The following TENM4 variants were observed in gnomAD, a reference collection of about 807,000 sequenced individuals.
TENM4 encodes the protein teneurin-4.
A neutral mutation model predicts 243.3 loss-of-function variants in TENM4; 82 were observed. The observed-to-expected ratio is 0.34, with a 90% CI of 0.28 to 0.40. The LOEUF (loss-of-function observed/expected upper bound fraction) is 0.40. TENM4 is among the 10% of genes least tolerant of loss of function. The pLI is 1.00. For synonymous variants in TENM4, 1,412 were observed against 1,456.3 expected, an observed-to-expected ratio of 0.97 and a Z score of 0.69; for missense variants, 3,138 against 3,673.3, an observed-to-expected ratio of 0.85 and a Z score of 3.77.
chr11:79,401,324 G>T (rs189629391), intron 1 of TENM4, among the ~76,000 whole-genome samples: 1 of 152,160 alleles, frequency 6.6e-6, no homozygotes, highest in Non-Finnish European at 1.5e-5. Flanking sequence ...TGGAAGAGCC[G>T]ATTTACAGAA....
intron 4 of TENM4, among the ~76,000 whole-genome samples, chr11:79,127,252 C>A (rs1451123383): frequency 2.0e-5 from 3 of 152,362 alleles, no homozygotes; most frequent in African/African-American, 7.2e-5. Flanking sequence ...ATATCCATCC[C>A]TGCAGGGATT....
At chr11:78,892,444 G>C (rs965165471) in intron 7 of TENM4, among the ~76,000 whole-genome samples, 3 of 152,182 alleles carry the variant, frequency 2.0e-5, no homozygotes, top group African/African-American at 7.2e-5. Flanking sequence ...CTTAGAGCCA[G>C]CATTCCCAAA....
chr11:79,319,353 G>A (rs1008620264), intron 1 of TENM4, among the ~76,000 whole-genome samples: 12 of 152,062 alleles, frequency 7.9e-5, no homozygotes, highest in African/African-American at 1.4e-4. Flanking sequence ...TACAGGTTTC[G>A]GAAAAGGAAA....
At chr11:79,368,155 A>T (rs1312365147) in intron 1 of TENM4, among the ~76,000 whole-genome samples, 1 of 152,170 alleles carries the variant, frequency 6.6e-6, no homozygotes, top group Non-Finnish European at 1.5e-5. Flanking sequence ...CAGTCTCATC[A>T]CTGTGCTCAT....
chr11:79,029,657 C>G (rs575626508), intron 6 of TENM4, among the ~76,000 whole-genome samples: 1 of 152,264 alleles, frequency 6.6e-6, no homozygotes, highest in South Asian at 2.1e-4. Context: ...ATTTCTCAGT[C>G]TCATTCCCAG....
intron 10 of TENM4, among the ~76,000 whole-genome samples, chr11:78,861,091 T>A (rs138527190): frequency 6.6e-6 from 1 of 152,324 alleles, no homozygotes; most frequent in East Asian, 1.9e-4. Context: ...ATATTTTAAA[T>A]CTACATTTGT....
chr11:78,744,034 T>C (rs1855991725), intron 19 of TENM4, among the ~76,000 whole-genome samples: 1 of 152,250 alleles, frequency 6.6e-6, no homozygotes, highest in African/African-American at 2.4e-5. Flanking sequence ...GTGTAAATCC[T>C]TAAACTGTTT....
intron 6 of TENM4, among the ~76,000 whole-genome samples, chr11:78,940,449 G>A (rs1591147536): frequency 6.6e-6 from 1 of 152,220 alleles, no homozygotes; most frequent in Non-Finnish European, 1.5e-5. Context: ...AGTGATGATG[G>A]TCTGGTCTAG....
chr11:79,199,875 G>A (rs1863705194), intron 3 of TENM4, among the ~76,000 whole-genome samples: 1 of 152,204 alleles, frequency 6.6e-6, no homozygotes, highest in Non-Finnish European at 1.5e-5. Context: ...GACAATGGCT[G>A]TAAGAAGTGT....
At chr11:79,242,246 T>C (rs1176323606) in intron 2 of TENM4, among the ~76,000 whole-genome samples, 3 of 152,214 alleles carry the variant, frequency 2.0e-5, no homozygotes, top group Non-Finnish European at 4.4e-5. Context: ...AAGCAATGCA[T>C]GTTCAGGAGG....
At chr11:78,890,115 T>C (rs1393121408) in intron 8 of TENM4, 95 bp from the exon 9 acceptor site, 21 of 962,936 alleles carry the variant, frequency 2.2e-5, no homozygotes, top group Admixed American at 8.3e-5. Context: ...AGAAGAAGCA[T>C]GCAGAGGAGC....
Position 79,252,501 on chromosome 11 carries a change from T to C in TENM4, c.-264-36592A>G, listed in dbSNP as rs184874784. Among the ~76,000 whole-genome samples, 802 of 152,272 alleles carry C rather than the reference T, an allele frequency of 5.3e-3. 9 individuals carry two copies. Among genetic ancestry groups the C allele is most frequent in the South Asian group, 0.025 (122 of 4,822 alleles). ...ATCCGCCCGCCTCGGCCTCCCAAAG[T>C]GCTGGGATTACAGGCGTGAGCCACT... On this transcript the variant is annotated intron_variant, in intron 2 of 33. Transcript: ENST00000278550.
chr11:79,076,560 C>T (rs1860540545), intron 4 of TENM4, among the ~76,000 whole-genome samples: 1 of 152,188 alleles, frequency 6.6e-6, no homozygotes, highest in East Asian at 1.9e-4. Context: ...GATTCAATTA[C>T]CTCCCACAAC....
At chr11:79,386,738 C>A (rs887553306) in intron 1 of TENM4, among the ~76,000 whole-genome samples, 1 of 144,300 alleles carries the variant, frequency 6.9e-6, no homozygotes, top group Admixed American at 7.1e-5. Context: ...ATGAACACGG[C>A]CGTTGAGTTC....
chr11:79,030,742 C>G (rs1268335415), intron 6 of TENM4, among the ~76,000 whole-genome samples: 1 of 152,166 alleles, frequency 6.6e-6, no homozygotes, highest in African/African-American at 2.4e-5. Flanking sequence ...CAGCCGACTC[C>G]TGTCAAACAG....
rs915942278 is a variant in TENM4, at chr11:79,004,383, A to G, written c.493+60355T>C. The stretch of plus-strand genomic sequence containing the variant: ...GGCACACACTTTAAATCGACTACAC[A>G]ATCATCGGCAAATTAAGAGATACCA... On this transcript the variant is annotated intron_variant, in intron 6 of 33. Coordinates refer to ENST00000278550, the MANE Select transcript of TENM4 (RefSeq NM_001098816.3). Among the ~76,000 whole-genome samples the G allele has an allele frequency of 3.9e-5, 6 of 152,292 alleles. No homozygotes were observed. The East Asian group carries it at 1.2e-3, about 29-fold the overall frequency.
chr11:79,122,804 C>A (rs1205265323), intron 4 of TENM4, among the ~76,000 whole-genome samples: 1 of 152,146 alleles, frequency 6.6e-6, no homozygotes, highest in Non-Finnish European at 1.5e-5. Context: ...CTGTGAAAAG[C>A]ATTAAGGTCA....
chr11:78,677,604 T>A (rs1395587242), intron 29 of TENM4, among the ~76,000 whole-genome samples: 4 of 151,928 alleles, frequency 2.6e-5, no homozygotes, highest in Admixed American at 2.6e-4. Flanking sequence ...ACAATGTTTT[T>A]TATAACAAGG....
chr11:78,656,945 G>T lies in TENM4; in HGVS notation c.*1113C>A. On this transcript the variant is annotated 3_prime_UTR_variant, in exon 34 of 34. Coordinates refer to ENST00000278550, the MANE Select transcript of TENM4 (RefSeq NM_001098816.3). ...GCTTTTTTTGTTAAGCATTTTTCCA[G>T]AATCAAAGGCCACCAAGCACCTCCC... 7.5e-6 allele frequency: 3 copies of T among 398,194 alleles called. No homozygotes were observed. The highest frequency in any genetic ancestry group is 1.3e-5 in the Non-Finnish European group (3 of 226,062). The allele number at this position is 398,194 out of a possible 1,614,324, so 24.7% of individuals were successfully genotyped here.
Sources: allele counts gnomAD v4.1 joint callset (sites outside exome capture counted in the v4.1 genomes callset), GRCh38; gene constraint gnomAD v4.1.1; transcripts MANE v1.5; gene names NCBI Gene and HGNC (gene_info 2026-07-23, HGNC 2026-07-21).